ZSWIM4: variants seen among roughly 807,000 people sequenced by gnomAD.
The protein encoded by ZSWIM4 is zinc finger SWIM-type containing 4, also known as zinc finger SWIM domain-containing protein 4.
In ZSWIM4, 62 loss-of-function variants were observed where a neutral mutation model predicts 102.5. The observed-to-expected ratio is 0.60, with a 90% confidence interval of 0.49 to 0.75. The LOEUF is 0.75. ZSWIM4 is among the 30% of genes least tolerant of loss of function. The pLI is 0.00. For missense variants in ZSWIM4, 1,280 were observed against 1,529.6 expected (o/e 0.84, Z 2.72); for synonymous variants, 652 against 674.5 (o/e 0.97, Z 0.52).
At chr19:13,797,246 AC>A (rs1341226868) in intron 1 of ZSWIM4, among the ~76,000 whole-genome samples, 1 of 152,156 alleles carries the variant, frequency 6.6e-6, no homozygotes, top group African/African-American at 2.4e-5. Flanking sequence ...GCCCAAGGTC[AC>A]CCAGCCAGGG....
Position 13,799,860 on chromosome 19 carries a change from G to T in ZSWIM4, c.294G>T (p.Val98=). The change falls in exon 2 of 14, where the codon GTG becomes GTT. Residue 98 remains valine, a synonymous_variant. Coordinates refer to ENST00000590508, the MANE Select transcript of ZSWIM4 (RefSeq NM_001367834.3). Reference sequence around the variant, plus strand: ...CAGAGGGCGAGCACGATGCCCGGGTGCCCTTTACCCGCGGGCTGCACCTGC... The same window carrying T: ...CAGAGGGCGAGCACGATGCCCGGGTTCCCTTTACCCGCGGGCTGCACCTGC... ...PPPEGEHDAR[V]PFTRGLHLLQ... 6.2e-7 allele frequency: 1 copy of T among 1,613,588 alleles called. No individual in the cohort carries two copies.
intron 11 of ZSWIM4, among the ~76,000 whole-genome samples, 192 bp downstream of exon 11, chr19:13,823,692 C>T (rs1975531051): frequency 6.6e-6 from 1 of 152,186 alleles, no homozygotes; most frequent in Admixed American, 6.6e-5. Flanking sequence ...TCCCAGATCC[C>T]CTGCCCTGTG....
At chr19:13,802,892 A>G (rs2607273) in intron 2 of ZSWIM4, among the ~76,000 whole-genome samples, 71,620 of 152,022 alleles carry the variant, frequency 0.47, 19,875 homozygotes, top group African/African-American at 0.79. Context: ...TATCAGGTTA[A>G]GATCAGCTGT....
Position 13,808,991 on chromosome 19 carries a change from TGCGGGCCGGCGGGGC to T in ZSWIM4, c.861+13_861+27del. 6.2e-7 allele frequency: 1 copy of T among 1,610,878 alleles called. No individual in the cohort carries two copies. The highest frequency in any genetic ancestry group is 8.5e-7 in the Non-Finnish European group (1 of 1,178,170). ...GCGCTCCATGTTCAGCAAGGTGCCG[TGCGGGCCGGCGGGGC>T]GCGGGGTGCAGAAGGCCCCGGCGGA... On this transcript the variant is annotated splice_region_variant and intron_variant, in intron 4 of 13. Coordinates refer to ENST00000590508, the MANE Select transcript of ZSWIM4 (RefSeq NM_001367834.3).
At chr19:13,796,300 C>T (rs1974611283) in intron 1 of ZSWIM4, among the ~76,000 whole-genome samples, 1 of 152,070 alleles carries the variant, frequency 6.6e-6, no homozygotes, top group African/African-American at 2.4e-5. Flanking sequence ...TTCGGCCCCC[C>T]GCTTGGGGAC....
At position 13,809,256 on chromosome 19, in the gene ZSWIM4, G is replaced by A; in HGVS notation, c.1012+36G>A. The A allele has an allele frequency of 6.4e-7, 1 of 1,563,580 alleles. No individual in the cohort carries two copies. Among genetic ancestry groups the A allele is most frequent in the South Asian group, 1.1e-5 (1 of 86,996 alleles). On this transcript the variant is annotated intron_variant, in intron 5 of 13. Coordinates refer to ENST00000590508, the MANE Select transcript of ZSWIM4 (RefSeq NM_001367834.3). This position sits in a 1 kb window ranked among gnomAD's most constrained non-coding sequence, Gnocchi z 4.2. ...AACCCCGGTGCGTGGTGGACACCGG[G>A]ACTTCGGCTCCCATGGGGGCTGGCC...
rs528393681 is a variant in ZSWIM4 at position 13,814,758 on chromosome 19, G to A, written c.1424G>A (p.Arg475His). The A allele has an allele frequency of 1.9e-5, 24 of 1,287,868 alleles. No homozygotes were observed. The highest frequency in any genetic ancestry group is 4.9e-5 in the South Asian group (4 of 80,930). 79.8% of individuals were successfully genotyped at this position (1,287,868 alleles called of 1,614,324 possible). A position where few individuals can be genotyped will look rare whatever the true frequency, so the allele number is the denominator to read the frequency against. Residue 475 changes from arginine (R) to histidine (H), a missense_variant, in exon 7 of 14, where the codon CGT (arginine) becomes CAT (histidine). Physicochemically the swap from Arg to His is conservative, Grantham distance 29. Transcript: ENST00000590508. ...GCCTGTGCCCGTGTGGACACCCTGC[G>A]TGCCCACGGATACCCCCGCCAGGCC... ...PTACARVDTL[R>H]AHGYPRQALR...
At chr19:13,821,711 G>A (rs1975466792) in intron 10 of ZSWIM4, among the ~76,000 whole-genome samples, 1 of 146,616 alleles carries the variant, frequency 6.8e-6, no homozygotes, top group Non-Finnish European at 1.5e-5. Flanking sequence ...CACCATGCCT[G>A]GCTAGTTTTA....
chr19:13,800,987 C>A (rs759526409), intron 2 of ZSWIM4, among the ~76,000 whole-genome samples: 6 of 151,696 alleles, frequency 4.0e-5, no homozygotes, highest in Non-Finnish European at 7.4e-5. Context: ...ACAAAAAAAT[C>A]AAAAAATGAG....
At chr19:13,818,226 C>CG (rs1178095139) in intron 9 of ZSWIM4, among the ~76,000 whole-genome samples, 3 of 152,228 alleles carry the variant, frequency 2.0e-5, no homozygotes, top group Non-Finnish European at 4.4e-5. Flanking sequence ...CCTTCCCTCC[C>CG]GGGAGCCAGT....
rs571008214 is a variant in ZSWIM4, at chr19:13,809,325, G to A, written c.1012+105G>A. On this transcript the variant is annotated intron_variant, in intron 5 of 13. Coordinates refer to ENST00000590508, the MANE Select transcript of ZSWIM4 (RefSeq NM_001367834.3). This position sits in a 1 kb window ranked among gnomAD's most constrained non-coding sequence, Gnocchi z 4.2. Reference sequence around the variant, plus strand: ...TGTTCCCTGAATCCGCCCTCCATTCGTTTGGCAAACATTTATGAGCGCCTC... The same window carrying A: ...TGTTCCCTGAATCCGCCCTCCATTCATTTGGCAAACATTTATGAGCGCCTC... The A allele has an allele frequency of 2.3e-5, 33 of 1,434,164 alleles. No homozygotes were observed. Among genetic ancestry groups the A allele is most frequent in the Admixed American group, 2.6e-5 (1 of 38,810 alleles). 88.8% of individuals were successfully genotyped at this position (1,434,164 alleles called of 1,614,324 possible). A position where few individuals can be genotyped will look rare whatever the true frequency, so the allele number is the denominator to read the frequency against.
intron 2 of ZSWIM4, among the ~76,000 whole-genome samples, chr19:13,801,734 C>T (rs140437967): frequency 3.3e-4 from 50 of 150,316 alleles, no homozygotes; most frequent in African/African-American, 1.0e-3. Context: ...TGCAGTGGCA[C>T]GATCTCAGCT....
intron 3 of ZSWIM4, 124 bp downstream of exon 3, chr19:13,805,272 G>T: frequency 2.4e-6 from 2 of 820,284 alleles, no homozygotes; most frequent in Non-Finnish European, 3.9e-6. Context: ...CGGAAAACGC[G>T]CCATGGCCTG....
At chr19:13,795,852 C>T in intron 1 of ZSWIM4, 51 bp downstream of exon 1, 1 of 1,148,834 alleles carries the variant, frequency 8.7e-7, no homozygotes, top group Non-Finnish European at 1.1e-6. Flanking sequence ...CAGCACCTTC[C>T]CCACCTGTCT....
rs112388937 is a variant in ZSWIM4 at position 13,804,644 on chromosome 19, T to C, written c.356-148T>C. On this transcript the variant is annotated intron_variant, in intron 2 of 13. Transcript: ENST00000590508. ...CCTGGGCCACAGAGCGAGATTTTGT[T>C]TCAAAAAAAAAAAAAATGCAAAGTG... The C allele has an allele frequency of 5.1e-3, 3,372 of 666,284 alleles. 89 individuals are homozygous for C. The African/African-American group carries it at 0.056, about 11-fold the overall frequency. The allele number at this position is 666,284 out of a possible 1,614,324, so 41.3% of individuals were successfully genotyped here. A position where few individuals can be genotyped will look rare whatever the true frequency, so the allele number is the denominator to read the frequency against.
rs1477877067 is a variant in ZSWIM4 at position 13,831,033 on chromosome 19, C to T, written c.3304C>T (p.Arg1102Trp). The change falls in exon 14 of 14, where the codon CGG becomes TGG. Residue 1102 changes from arginine to tryptophan, a missense_variant. Physicochemically the swap from Arg to Trp is moderately radical, Grantham distance 101. Coordinates refer to ENST00000590508, the MANE Select transcript of ZSWIM4 (RefSeq NM_001367834.3). ...KGKKKLMLLV[R>W]ERFG ...CAAGAAGAAACTCATGCTTTTGGTG[C>T]GGGAGCGTTTTGGTTGAGGGACAGT... is the stretch of plus-strand genomic sequence containing the variant. 1.9e-6 allele frequency: 3 copies of T among 1,593,580 alleles called. No individual in the cohort carries two copies. Among genetic ancestry groups the T allele is most frequent in the African/African-American group, 1.3e-5 (1 of 74,302 alleles).
chr19:13,820,096 C>T (rs2145353584), intron 10 of ZSWIM4, among the ~76,000 whole-genome samples: 1 of 151,996 alleles, frequency 6.6e-6, no homozygotes, highest in East Asian at 1.9e-4. Context: ...GACAGGATTT[C>T]GCCATGTTGC....
Position 13,810,598 on chromosome 19 carries a change from GTTTTCTT to G in ZSWIM4, c.1012+1397_1012+1403del, listed in dbSNP as rs935086152. ...GAGCCACCACACCCAGCCAACATAT[GTTTTCTT>G]TTTTCTTTTTTCTTTTTTTTTTGAG... On this transcript the variant is annotated intron_variant, in intron 5 of 13. Transcript: ENST00000590508. Among the ~76,000 whole-genome samples, 53 of 147,138 alleles carry G rather than the reference GTTTTCTT, an allele frequency of 3.6e-4. No homozygotes were observed. In the East Asian group the frequency reaches 8.0e-3, roughly 22 times the overall value.
chr19:13,814,436 C>T (rs1204265519), intron 6 of ZSWIM4, 79 bp from the exon 7 acceptor site: 26 of 822,174 alleles, frequency 3.2e-5, no homozygotes, highest in Non-Finnish European at 4.1e-5. Flanking sequence ...CCAGTTAGTA[C>T]TTGGTGGGAA....
Sources: allele counts gnomAD v4.1 joint callset (sites outside exome capture counted in the v4.1 genomes callset), GRCh38; gene constraint gnomAD v4.1.1; non-coding constraint Gnocchi (gnomAD v3.1); transcripts MANE v1.5; gene names NCBI Gene and HGNC (gene_info 2026-07-23, HGNC 2026-07-21).